ERBB4: variants seen among roughly 807,000 people sequenced by gnomAD.
ERBB4 encodes the protein receptor tyrosine-protein kinase erbB-4.
Under a neutral mutation model 158.0 loss-of-function variants are expected in ERBB4, and 42 were observed. The ratio of observed to expected loss-of-function variants is 0.27; its 90% CI spans 0.21 to 0.34. The LOEUF is 0.34. Ranked by LOEUF, ERBB4 falls within the 10% of genes least tolerant of loss-of-function variation. The pLI is 1.00. For synonymous variants in ERBB4, 583 were observed against 558.7 expected (o/e 1.04, Z -0.61); for missense variants, 1,333 against 1,624.1 (o/e 0.82, Z 3.08).
At chr2:211,758,925 T>C (rs1488716708) in intron 4 of ERBB4, among the ~76,000 whole-genome samples, 1 of 152,240 alleles carries the variant, frequency 6.6e-6, no homozygotes, top group Non-Finnish European at 1.5e-5. Context: ...CTCTGTGATA[T>C]GCAAACTTAT....
At position 211,383,862 on chromosome 2, in the gene ERBB4, A is replaced by G; in HGVS notation, c.3680T>C (p.Leu1227Pro). The change falls in exon 28 of 28, where the codon CTG (leucine) becomes CCG (proline). Residue 1227 changes from leucine to proline, a missense_variant. Physicochemically the swap from Leu to Pro is moderately conservative, Grantham distance 98. This residue lies in a region of ERBB4 where 84 missense variants were observed against 110.8 expected (regional missense o/e 0.76). Coordinates refer to ENST00000342788, the MANE Select transcript of ERBB4 (RefSeq NM_005235.3). ...TTTCTTGGCCTTCTCTGGCATTGAC[A>G]GTATGTTGTTCTTCAGGTACTCAGC... The part of the protein sequence containing the change: ...GKAEYLKNNI[L>P]SMPEKAKKAF... 6.2e-7 allele frequency: 1 copy of G among 1,614,156 alleles called. No individual in the cohort carries two copies. Among genetic ancestry groups the G allele is most frequent in the Non-Finnish European group, 8.5e-7 (1 of 1,180,028 alleles).
intron 1 of ERBB4, among the ~76,000 whole-genome samples, chr2:212,237,530 T>C (rs538206236): frequency 6.6e-6 from 1 of 152,266 alleles, no homozygotes; most frequent in African/African-American, 2.4e-5. Context: ...TGCTGGGAGA[T>C]GTGTCCCAGT....
At chr2:212,115,888 T>C (rs2079557219) in intron 2 of ERBB4, among the ~76,000 whole-genome samples, 1 of 151,998 alleles carries the variant, frequency 6.6e-6, no homozygotes, top group Admixed American at 6.6e-5. Context: ...AATACCACAA[T>C]GCCCAGAGGT....
chr2:211,861,915 T>A (rs2078066204), intron 3 of ERBB4, among the ~76,000 whole-genome samples: 1 of 151,640 alleles, frequency 6.6e-6, no homozygotes, highest in Non-Finnish European at 1.5e-5. Flanking sequence ...AGCCAGCAAA[T>A]GATCTTTTAA....
At chr2:212,174,111 G>A (rs2081593835) in intron 1 of ERBB4, among the ~76,000 whole-genome samples, 1 of 152,102 alleles carries the variant, frequency 6.6e-6, no homozygotes, top group Non-Finnish European at 1.5e-5. Flanking sequence ...ATAAAAATTA[G>A]AGGGAGACGT....
chr2:211,483,591 G>A (rs1421323195), intron 20 of ERBB4, among the ~76,000 whole-genome samples: 2 of 151,684 alleles, frequency 1.3e-5, no homozygotes, highest in African/African-American at 2.4e-5. Context: ...TCACTCTGTC[G>A]CCCAAGCTGG....
At chr2:211,977,531 T>TTAAAAAAAAAA (rs1445827351) in intron 2 of ERBB4, among the ~76,000 whole-genome samples, 3 of 67,594 alleles carry the variant, frequency 4.4e-5, no homozygotes, top group African/African-American at 9.7e-5. Context: ...ATATTGACTT[T>TTAAAAAAAAAA]AAAAAAAAAA....
chr2:212,158,650 A>G (rs1027052812), intron 1 of ERBB4, among the ~76,000 whole-genome samples: 2 of 151,972 alleles, frequency 1.3e-5, no homozygotes, highest in Non-Finnish European at 2.9e-5. Context: ...CACATCCCCA[A>G]TAAATAAACA....
intron 3 of ERBB4, among the ~76,000 whole-genome samples, chr2:211,902,044 C>G (rs1240005691): frequency 2.6e-5 from 4 of 151,868 alleles, no homozygotes; most frequent in African/African-American, 9.6e-5. Context: ...AGTTAGAAAG[C>G]TTTCCAACCT....
At chr2:212,236,235 T>C (rs1380608814) in intron 1 of ERBB4, among the ~76,000 whole-genome samples, 1 of 152,238 alleles carries the variant, frequency 6.6e-6, no homozygotes, top group Non-Finnish European at 1.5e-5. Context: ...ATGTGGTTTT[T>C]GTCATTGGTT....
intron 3 of ERBB4, among the ~76,000 whole-genome samples, chr2:211,878,326 AAAT>A (rs1399304810): frequency 6.6e-6 from 1 of 152,204 alleles, no homozygotes; most frequent in African/African-American, 2.4e-5. Context: ...TTAAATAACA[AAAT>A]AACTTTTTGA....
At chr2:211,858,052 A>G (rs904366456) in intron 3 of ERBB4, among the ~76,000 whole-genome samples, 1 of 152,206 alleles carries the variant, frequency 6.6e-6, no homozygotes, top group Non-Finnish European at 1.5e-5. Flanking sequence ...TCGATGTAAC[A>G]CACACATTTA....
intron 3 of ERBB4, among the ~76,000 whole-genome samples, chr2:211,856,367 T>TATTTATTTATTA (rs2077860644): frequency 2.8e-4 from 1 of 3,534 alleles, no homozygotes; most frequent in Admixed American, 8.1e-3. Flanking sequence ...TTGTAATTTC[T>TATTTATTTATTA]ATTTATTTAT....
Position 211,494,872 on chromosome 2 carries a change from G to A in ERBB4, c.2488-63772C>T, listed in dbSNP as rs564480908. ...CTCCTTGGGAATTGTTTTAGGAAAC[G>A]AACTGTGTTTCCTAATAGGAAATAT... On this transcript the variant is annotated intron_variant, in intron 20 of 27. Transcript: ENST00000342788. 1.4e-4 allele frequency among the ~76,000 whole-genome samples: 22 copies of A among 152,172 alleles called. No individual in the cohort carries two copies. In the South Asian group the frequency reaches 1.5e-3, roughly 10 times the overall value.
intron 1 of ERBB4, among the ~76,000 whole-genome samples, chr2:212,174,687 T>C (rs2081609311): frequency 6.6e-6 from 1 of 152,216 alleles, no homozygotes. Flanking sequence ...ATGAGGAAGC[T>C]AGTTTGTTCA....
rs148876372 is a variant in ERBB4 at position 211,433,679 on chromosome 2, T to C, written c.2488-2579A>G. Among the ~76,000 whole-genome samples, 434 of 152,322 alleles carry C rather than the reference T, an allele frequency of 2.8e-3. 2 individuals are homozygous for C. The highest frequency in any genetic ancestry group is 0.01 in the African/African-American group (419 of 41,566). ...GTACAGAGAATGGATTGGACATCAA[T>C]GTAGCTGAAGGCAGGAGCCACTGCC... On this transcript the variant is annotated intron_variant, in intron 20 of 27. Coordinates refer to ENST00000342788, the MANE Select transcript of ERBB4 (RefSeq NM_005235.3).
At chr2:212,043,089 A>C (rs748892727) in intron 2 of ERBB4, among the ~76,000 whole-genome samples, 2 of 152,190 alleles carry the variant, frequency 1.3e-5, no homozygotes, top group Non-Finnish European at 2.9e-5. Flanking sequence ...CCAACATCAC[A>C]AAGCCATTTA....
chr2:212,045,242 A>G (rs1044412620), intron 2 of ERBB4, among the ~76,000 whole-genome samples: 4 of 152,074 alleles, frequency 2.6e-5, no homozygotes, highest in Admixed American at 6.6e-5. Flanking sequence ...GGCAGATCAC[A>G]TGAAGCCAGG....
At chr2:211,855,398 G>A (rs1284860375) in intron 3 of ERBB4, among the ~76,000 whole-genome samples, 2 of 152,026 alleles carry the variant, frequency 1.3e-5, no homozygotes, top group Admixed American at 1.3e-4. Context: ...ATGTATACAT[G>A]TGTATGTGTG....
Sources: gnomAD v4.1 joint callset for allele counts (sites outside exome capture counted in the v4.1 genomes callset) on GRCh38, gnomAD v4.1.1 for gene constraint, gnomAD v4.1.1 regional missense constraint, MANE v1.5 for transcripts, NCBI Gene and HGNC (gene_info 2026-07-23, HGNC 2026-07-21) for gene names.